MALRD1: variants seen among roughly 807,000 people sequenced by gnomAD.
MALRD1 encodes MAM and LDL receptor class A domain containing 1.
Under a neutral mutation model 242.1 loss-of-function variants are expected in MALRD1, and 247 were observed. That is an observed-to-expected ratio of 1.02 (90% CI 0.92 to 1.13). The LOEUF (loss-of-function observed/expected upper bound fraction) is 1.13. MALRD1 is among the 50% of genes most tolerant of loss of function. The probability of loss-of-function intolerance (pLI) is 0.00; values close to 1 mark genes in which losing one functional copy is unlikely to be tolerated. For missense variants in MALRD1, 2,989 were observed against 2,533.1 expected, an observed-to-expected ratio of 1.18 and a Z score of -3.86; for synonymous variants, 995 against 866.6, an observed-to-expected ratio of 1.15 and a Z score of -2.60.
intron 4 of MALRD1, among the ~76,000 whole-genome samples, chr10:19,096,523 T>C (rs73591909): frequency 1.4e-3 from 217 of 152,332 alleles, no homozygotes; most frequent in African/African-American, 5.0e-3. Flanking sequence ...GGATTGCAGG[T>C]ATGCTTTAGT....
intron 29 of MALRD1, chr10:19,489,230 A>G: frequency 6.3e-6 from 3 of 475,904 alleles, no homozygotes; most frequent in South Asian, 4.6e-5. Flanking sequence ...AGCGAAGGAT[A>G]CATCTTAAGA....
rs895999451 is a variant in MALRD1, at chr10:19,734,118, C to T, written c.6391-39C>T. 14 of 1,475,838 alleles carry T rather than the reference C, an allele frequency of 9.5e-6. No homozygotes were observed. In the African/African-American group the frequency reaches 1.8e-4, roughly 19 times the overall value. The allele number at this position is 1,475,838 out of a possible 1,614,324, so 91.4% of individuals were successfully genotyped here. ...TTAAAGAGTTTTCTTATCTTAATGC[C>T]TAAAATTCCACCCTTTCAAATGTGT... is the stretch of plus-strand genomic sequence containing the variant. On this transcript the variant is annotated intron_variant, in intron 39 of 39. Transcript: ENST00000454679.
At chr10:19,065,694 A>C (rs577084756) in intron 1 of MALRD1, among the ~76,000 whole-genome samples, 1 of 152,338 alleles carries the variant, frequency 6.6e-6, no homozygotes, top group Admixed American at 6.5e-5. Context: ...ATGGGTAGGT[A>C]TTGTGAACAA....
intron 2 of MALRD1, among the ~76,000 whole-genome samples, chr10:19,076,578 G>A (rs937473129): frequency 2.0e-5 from 3 of 151,854 alleles, no homozygotes; most frequent in Admixed American, 1.3e-4. Flanking sequence ...ATCTTAACAC[G>A]GTCAAAATTC....
intron 28 of MALRD1, among the ~76,000 whole-genome samples, chr10:19,433,247 G>A (rs527974865): frequency 7.6e-4 from 115 of 152,270 alleles, no homozygotes; most frequent in African/African-American, 2.6e-3. Context: ...CTTTGTTGAG[G>A]GGGTCAGTGA....
intron 28 of MALRD1, among the ~76,000 whole-genome samples, chr10:19,431,455 C>T (rs1007769493): frequency 2.6e-5 from 4 of 151,942 alleles, no homozygotes; most frequent in East Asian, 3.9e-4. Flanking sequence ...GAAAATTATC[C>T]GATTCCCTTA....
chr10:19,694,218 T>G (rs1047434314), intron 38 of MALRD1, among the ~76,000 whole-genome samples: 24 of 152,110 alleles, frequency 1.6e-4, no homozygotes, highest in African/African-American at 5.3e-4. Flanking sequence ...AAGCCAAAAT[T>G]GACAAATGGG....
chr10:19,177,164 C>T (rs1323863714), intron 14 of MALRD1, among the ~76,000 whole-genome samples: 1 of 151,280 alleles, frequency 6.6e-6, no homozygotes, highest in Non-Finnish European at 1.5e-5. Flanking sequence ...CCTGTAGTCC[C>T]AGCTACTAGG....
At chr10:19,519,957 A>C (rs1422429246) in intron 31 of MALRD1, among the ~76,000 whole-genome samples, 1 of 152,206 alleles carries the variant, frequency 6.6e-6, no homozygotes, top group Admixed American at 6.5e-5. Flanking sequence ...AAGGTAGATC[A>C]TTGTTATGTC....
chr10:19,385,652 G>A (rs1449173375), intron 26 of MALRD1, among the ~76,000 whole-genome samples: 1 of 151,886 alleles, frequency 6.6e-6, no homozygotes, highest in Non-Finnish European at 1.5e-5. Context: ...CTAGCTAAGT[G>A]TCTGTCAGTT....
intron 24 of MALRD1, among the ~76,000 whole-genome samples, chr10:19,337,404 C>T (rs547513378): frequency 6.6e-6 from 1 of 152,172 alleles, no homozygotes; most frequent in South Asian, 2.1e-4. Context: ...GTCTGGGACC[C>T]GCTGCTTTCC....
chr10:19,341,750 G>A (rs1007822119), intron 24 of MALRD1, among the ~76,000 whole-genome samples: 1 of 151,774 alleles, frequency 6.6e-6, no homozygotes, highest in Non-Finnish European at 1.5e-5. Flanking sequence ...GATGAATCAA[G>A]CCAAACGATA....
chr10:19,226,419 A>G (rs188089584), intron 18 of MALRD1, among the ~76,000 whole-genome samples: 102 of 152,298 alleles, frequency 6.7e-4, no homozygotes, highest in Middle Eastern at 3.4e-3. Flanking sequence ...AAGATTATGA[A>G]AAATGCAATG....
intron 38 of MALRD1, among the ~76,000 whole-genome samples, chr10:19,709,243 T>TAAAAAAAAAAAAAAAAAAAAAAAAAAA (rs557818453): frequency 1.0e-4 from 11 of 105,946 alleles, no homozygotes; most frequent in African/African-American, 4.0e-4. Context: ...CCGTCTGTAC[T>TAAAAAAAAAAAAAAAAAAAAAAAAAAA]AAAAAAAAAA....
chr10:19,050,083 CTTTTTT>C (rs34692209), intron 1 of MALRD1, among the ~76,000 whole-genome samples: 3 of 90,598 alleles, frequency 3.3e-5, no homozygotes, highest in Non-Finnish European at 4.1e-5. Context: ...CATATGTCTT[CTTTTTT>C]TTTTTTTTTT....
At chr10:19,376,542 C>CATTTTTTTTTTTTTTTTTTTTTTT (rs1554842468) in intron 26 of MALRD1, among the ~76,000 whole-genome samples, 7 of 94,992 alleles carry the variant, frequency 7.4e-5, no homozygotes, top group Non-Finnish European at 6.2e-5. Flanking sequence ...TTGATACATT[C>CATTTTTTTTTTTTTTTTTTTTTTT]TTTTTTTTTT....
At chr10:19,286,750 A>G (rs2131902427) in intron 21 of MALRD1, among the ~76,000 whole-genome samples, 1 of 151,594 alleles carries the variant, frequency 6.6e-6, no homozygotes, top group African/African-American at 2.4e-5. Context: ...TACAAGGAGG[A>G]ACTGGTACCA....
At chr10:19,270,368 A>ACACACC (rs1010117072) in intron 19 of MALRD1, among the ~76,000 whole-genome samples, 2 of 149,898 alleles carry the variant, frequency 1.3e-5, no homozygotes, top group Non-Finnish European at 3.0e-5. Flanking sequence ...ACACACACAC[A>ACACACC]CACACACACC....
intron 31 of MALRD1, among the ~76,000 whole-genome samples, chr10:19,515,153 A>T (rs911570361): frequency 6.6e-6 from 1 of 152,170 alleles, no homozygotes; most frequent in Non-Finnish European, 1.5e-5. Flanking sequence ...TTCTTACCAA[A>T]AGCATAGCTT....
Sources: allele counts gnomAD v4.1 joint callset (sites outside exome capture counted in the v4.1 genomes callset), GRCh38; gene constraint gnomAD v4.1.1; transcripts MANE v1.5; gene names NCBI Gene and HGNC (gene_info 2026-07-23, HGNC 2026-07-21).